The following DLG1 variants were observed in gnomAD, a reference collection of about 807,000 sequenced individuals.
DLG1 encodes the protein disks large homolog 1.
In DLG1, 42 loss-of-function variants were observed where a neutral mutation model predicts 123.4. The ratio of observed to expected loss-of-function variants is 0.34; its 90% CI spans 0.27 to 0.44. The LOEUF is 0.44. Ranked by LOEUF, DLG1 falls within the 20% of genes least tolerant of loss-of-function variation. The pLI is 1.00. For synonymous variants in DLG1, 317 were observed against 356.2 expected, an observed-to-expected ratio of 0.89 and a Z score of 1.24; for missense variants, 942 against 1,082.6, an observed-to-expected ratio of 0.87 and a Z score of 1.82.
Position 197,290,047 on chromosome 3 carries a change from A to T in DLG1, c.151+6299T>A, listed in dbSNP as rs993884457. Among the ~76,000 whole-genome samples, 5 of 152,196 alleles carry T rather than the reference A, an allele frequency of 3.3e-5. 1 individual carries two copies. Among genetic ancestry groups the T allele is most frequent in the African/African-American group, 9.6e-5 (4 of 41,458 alleles). ...ACATCTTGTTATGCCAAAAATTAAG[A>T]AAGTGCTCCAAAAAATGATGAGGGC... On this transcript the variant is annotated intron_variant, in intron 3 of 24. Transcript: ENST00000667157.
chr3:197,248,917 G>A (rs572735681), intron 4 of DLG1, among the ~76,000 whole-genome samples: 1 of 152,272 alleles, frequency 6.6e-6, no homozygotes, highest in Admixed American at 6.5e-5. Flanking sequence ...AGGAGTTCAA[G>A]ACAAGAGTGA....
At chr3:197,119,264 C>T in intron 12 of DLG1, 146 bp downstream of exon 12, 2 of 428,854 alleles carry the variant, frequency 4.7e-6, no homozygotes, top group Non-Finnish European at 4.0e-6. Flanking sequence ...TCAATGAATC[C>T]TCCTATGGAA....
chr3:197,213,752 AG>A (rs1732526327), intron 4 of DLG1, among the ~76,000 whole-genome samples: 1 of 152,240 alleles, frequency 6.6e-6, no homozygotes, highest in Non-Finnish European at 1.5e-5. Context: ...TCTTGGATAA[AG>A]GCTCATTATT....
chr3:197,274,025 C>T (rs983587419), intron 4 of DLG1, among the ~76,000 whole-genome samples: 2 of 152,074 alleles, frequency 1.3e-5, no homozygotes, highest in Admixed American at 6.6e-5. Flanking sequence ...AATGTCCATA[C>T]TAACCAAAGC....
intron 11 of DLG1, among the ~76,000 whole-genome samples, chr3:197,121,734 C>A (rs1224104276): frequency 7.2e-6 from 1 of 138,950 alleles, no homozygotes; most frequent in South Asian, 2.3e-4. Context: ...CTAACTAGTA[C>A]AAAAATTGTT....
chr3:197,082,412 G>A (rs1228578448), intron 16 of DLG1, among the ~76,000 whole-genome samples: 1 of 151,928 alleles, frequency 6.6e-6, no homozygotes, highest in African/African-American at 2.4e-5. Context: ...TGATTTTTAC[G>A]ATTCAAGAAC....
At chr3:197,144,536 G>GAACAA (rs1466332218) in intron 6 of DLG1, among the ~76,000 whole-genome samples, 2 of 152,174 alleles carry the variant, frequency 1.3e-5, no homozygotes, top group African/African-American at 4.8e-5. Context: ...AAGCCCCTAA[G>GAACAA]CTTCAGGGTA....
chr3:197,082,075 A>G (rs1037589738), intron 16 of DLG1, among the ~76,000 whole-genome samples: 27 of 152,240 alleles, frequency 1.8e-4, no homozygotes, highest in African/African-American at 5.8e-4. Context: ...TCATGAATTT[A>G]AATTTTAAAT....
intron 4 of DLG1, among the ~76,000 whole-genome samples, chr3:197,207,964 G>T (rs575019933): frequency 6.9e-6 from 1 of 144,416 alleles, no homozygotes; most frequent in African/African-American, 2.4e-5. Context: ...AAGTCAAAAC[G>T]TTAAAAAATA....
At chr3:197,170,533 T>C (rs1366540152) in intron 5 of DLG1, among the ~76,000 whole-genome samples, 3 of 152,324 alleles carry the variant, frequency 2.0e-5, no homozygotes, top group East Asian at 1.9e-4. Context: ...TTCATGACTG[T>C]TGGCCACTTT....
At chr3:197,298,007 C>A in intron 1 of DLG1, 3 of 846,382 alleles carry the variant, frequency 3.5e-6, no homozygotes, top group Non-Finnish European at 4.3e-6. Flanking sequence ...GCCGCCTCCT[C>A]GCTCGCCGCG....
At chr3:197,072,065 A>G (rs1240045650) in intron 18 of DLG1, among the ~76,000 whole-genome samples, 4 of 152,224 alleles carry the variant, frequency 2.6e-5, no homozygotes, top group African/African-American at 2.4e-5. Context: ...TACTTTTTTC[A>G]TAGATAGTAA....
chr3:197,047,021 T>C (rs1429899186), intron 24 of DLG1, among the ~76,000 whole-genome samples: 1 of 152,172 alleles, frequency 6.6e-6, no homozygotes, highest in African/African-American at 2.4e-5. Flanking sequence ...TTAAAGAACA[T>C]TAAGGATGTG....
chr3:197,145,593 T>C (rs1266035145), intron 6 of DLG1, among the ~76,000 whole-genome samples: 1 of 152,226 alleles, frequency 6.6e-6, no homozygotes. Flanking sequence ...AGTGTGCTTA[T>C]ATGGCCCTTT....
At chr3:197,299,222 C>A (rs754783149), upstream of DLG1, 1 of 152,222 alleles carries the variant, frequency 6.6e-6, no homozygotes, top group South Asian at 2.1e-4. Flanking sequence ...CTTCGAACTT[C>A]CTCGGGGTGA....
At chr3:197,248,313 T>C (rs1421206957) in intron 4 of DLG1, among the ~76,000 whole-genome samples, 4 of 152,204 alleles carry the variant, frequency 2.6e-5, no homozygotes, top group Admixed American at 2.6e-4. Context: ...CGGTATCTAC[T>C]TGTAGGACTT....
intron 4 of DLG1, among the ~76,000 whole-genome samples, chr3:197,247,895 G>A (rs1752533607): frequency 6.6e-6 from 1 of 152,048 alleles, no homozygotes; most frequent in African/African-American, 2.4e-5. Context: ...CTTACTGGAG[G>A]TCCCTTGCAC....
At chr3:197,052,663 A>G (rs1461848608) in intron 23 of DLG1, among the ~76,000 whole-genome samples, 3 of 152,154 alleles carry the variant, frequency 2.0e-5, no homozygotes, top group Non-Finnish European at 4.4e-5. Flanking sequence ...AGATCTACCT[A>G]TCAGTTTACA....
intron 5 of DLG1, among the ~76,000 whole-genome samples, chr3:197,152,828 C>T (rs1794648034): frequency 6.7e-6 from 1 of 148,794 alleles, no homozygotes; most frequent in Non-Finnish European, 1.5e-5. Flanking sequence ...CCAAATTTTA[C>T]CATTCTATTT....
Sources: allele counts gnomAD v4.1 joint callset (sites outside exome capture counted in the v4.1 genomes callset), GRCh38; gene constraint gnomAD v4.1.1; transcripts MANE v1.5; gene names NCBI Gene and HGNC (gene_info 2026-07-23, HGNC 2026-07-21).